The following CRLF3 variants were observed in gnomAD, a reference collection of about 807,000 sequenced individuals.
CRLF3 encodes cytokine receptor like factor 3.
A neutral mutation model predicts 55.0 loss-of-function variants in CRLF3; 33 were observed. The observed-to-expected ratio is 0.60, with a 90% confidence interval of 0.46 to 0.80. CRLF3 has a LOEUF of 0.80. Ranked by LOEUF, CRLF3 falls within the 30% of genes least tolerant of loss-of-function variation. The pLI is 0.00. For missense variants in CRLF3, 494 were observed against 538.4 expected, an observed-to-expected ratio of 0.92 and a Z score of 0.82; for synonymous variants, 238 against 196.8, an observed-to-expected ratio of 1.21 and a Z score of -1.75.
intron 1 of CRLF3, among the ~76,000 whole-genome samples, chr17:30,805,625 A>C (rs1476370704): frequency 6.6e-6 from 1 of 150,454 alleles, no homozygotes; most frequent in Non-Finnish European, 1.5e-5. Context: ...GAGGCAGGAG[A>C]ATCGGTTGAA....
Position 30,783,230 on chromosome 17 carries a change from T to TA in CRLF3, c.*956dup. On this transcript the variant is annotated 3_prime_UTR_variant, in exon 8 of 8. Transcript: ENST00000324238. ...TACTGCCATAACTAGTTTTACCCTG[T>TA]AAAAATACTGTAGCCTATACTGTAT... 6.6e-6 allele frequency: 1 copy of TA among 152,308 alleles called. No homozygotes were observed. The highest frequency in any genetic ancestry group is 2.1e-4 in the South Asian group (1 of 4,824). The allele number at this position is 152,308 out of a possible 1,614,324, so 9.4% of individuals were successfully genotyped here.
chr17:30,795,314 CTACTAAAAATACAAAAA>C (rs1040660844), intron 4 of CRLF3, among the ~76,000 whole-genome samples: 15 of 150,024 alleles, frequency 1.0e-4, no homozygotes, highest in African/African-American at 1.7e-4. Flanking sequence ...AACTCTGTCT[CTACTAAAAATACAAAAA>C]TACTAAAAAT....
At position 30,783,293 on chromosome 17, in the gene CRLF3, A is replaced by ATT. The variant is rs1316176037; in HGVS notation, c.*892_*893dup. 6.6e-6 allele frequency: 1 copy of ATT among 152,210 alleles called. No homozygotes were observed. The highest frequency in any genetic ancestry group is 2.4e-5 in the African/African-American group (1 of 41,450). 9.4% of individuals were successfully genotyped at this position (152,210 alleles called of 1,614,324 possible). On this transcript the variant is annotated 3_prime_UTR_variant, in exon 8 of 8. Coordinates refer to ENST00000324238, the MANE Select transcript of CRLF3 (RefSeq NM_015986.4). ...AAAGAACAAAAGGTACTACTTGCCTATTTTAGACACTTGGTCAAGCATTTA... is the reference window on the plus strand; with the variant it reads ...AAAGAACAAAAGGTACTACTTGCCTATTTTTTAGACACTTGGTCAAGCATTTA...
intron 7 of CRLF3, chr17:30,784,758 A>ATTT: frequency 8.2e-5 from 15 of 182,680 alleles, no homozygotes; most frequent in Non-Finnish European, 1.2e-4. Flanking sequence ...CACCAACACA[A>ATTT]TTTTTTTTTT....
chr17:30,805,409 G>A (rs1904365721), intron 1 of CRLF3, among the ~76,000 whole-genome samples: 1 of 151,972 alleles, frequency 6.6e-6, no homozygotes, highest in South Asian at 2.1e-4. Context: ...CAGCAAAGAA[G>A]TGGTAGATTA....
Position 30,783,811 on chromosome 17 carries a change from T to G in CRLF3, c.*376A>C, listed in dbSNP as rs1971563728. ...ACCTATTCCTCTTGTTCTAAAGAGT[T>G]ACATGGACTTGGATCCTTTAAGATG... On this transcript the variant is annotated 3_prime_UTR_variant, in exon 8 of 8. Coordinates refer to ENST00000324238, the MANE Select transcript of CRLF3 (RefSeq NM_015986.4). 1 of 175,490 alleles carries G rather than the reference T, an allele frequency of 5.7e-6. No individual in the cohort carries two copies. The highest frequency in any genetic ancestry group is 1.2e-5 in the Non-Finnish European group (1 of 82,218). The allele number at this position is 175,490 out of a possible 1,614,324, so 10.9% of individuals were successfully genotyped here.
Position 30,783,922 on chromosome 17 carries a change from T to C in CRLF3, c.*265A>G, listed in dbSNP as rs536333782. 2.5e-5 allele frequency: 9 copies of C among 364,312 alleles called. No homozygotes were observed. The South Asian group carries it at 3.8e-4, about 15-fold the overall frequency. 22.6% of individuals were successfully genotyped at this position (364,312 alleles called of 1,614,324 possible). On this transcript the variant is annotated 3_prime_UTR_variant, in exon 8 of 8. Transcript: ENST00000324238. ...GTGGAAGGGTATAGAACTTCCTATA[T>C]CTTCTATACTTTTAATGCCAATTTG...
intron 1 of CRLF3, among the ~76,000 whole-genome samples, chr17:30,816,206 C>T (rs1220106882): frequency 6.7e-6 from 1 of 149,736 alleles, no homozygotes; most frequent in African/African-American, 2.5e-5. Flanking sequence ...CACTCGAACC[C>T]GGAAAGCAGA....
intron 1 of CRLF3, among the ~76,000 whole-genome samples, chr17:30,806,479 A>G (rs1567665569): frequency 6.6e-6 from 1 of 152,152 alleles, no homozygotes; most frequent in African/African-American, 2.4e-5. Context: ...GAGTGTATGG[A>G]TGGAGTTCTC....
Position 30,824,637 on chromosome 17 carries a change from C to T in CRLF3, c.15G>A (p.Met5Ile). Residue 5 changes from methionine (M) to isoleucine (I), a missense_variant, in exon 1 of 8, where the codon ATG becomes ATA. By Grantham distance (10) the Met-to-Ile change is conservative (BLOSUM62 1). Coordinates refer to ENST00000324238, the MANE Select transcript of CRLF3 (RefSeq NM_015986.4). Reference protein sequence around the residue: MRGAMELEPELLLQE... With the variant: MRGAIELEPELLLQE... The stretch of plus-strand genomic sequence containing the variant: ...GCAACAGCAGCTCAGGCTCCAGCTC[C>T]ATCGCCCCCCTCATCTGGCCGCGCG... 6.3e-7 allele frequency: 1 copy of T among 1,598,622 alleles called. No homozygotes were observed. The highest frequency in any genetic ancestry group is 8.5e-7 in the Non-Finnish European group (1 of 1,176,816).
chr17:30,791,042 C>CTGAG (rs1365586731), intron 6 of CRLF3: 2 of 152,310 alleles, frequency 1.3e-5, no homozygotes, highest in Admixed American at 6.5e-5. Context: ...CCTCAGCCTC[C>CTGAG]TGAGTGGCTG....
intron 4 of CRLF3, among the ~76,000 whole-genome samples, chr17:30,794,804 A>G (rs1444426553): frequency 6.6e-6 from 1 of 152,040 alleles, no homozygotes; most frequent in Non-Finnish European, 1.5e-5. Context: ...AAAAACAAAC[A>G]AATAAATAAA....
At chr17:30,819,348 A>G (rs749977449) in intron 1 of CRLF3, among the ~76,000 whole-genome samples, 3 of 152,198 alleles carry the variant, frequency 2.0e-5, no homozygotes, top group Non-Finnish European at 4.4e-5. Context: ...ATGTACCAAG[A>G]TGAAGTTTTT....
rs373368061 is a variant in CRLF3, at chr17:30,792,506, G to A, written c.893C>T (p.Ser298Phe). 5.0e-6 allele frequency: 8 copies of A among 1,612,880 alleles called. No homozygotes were observed. The highest frequency in any genetic ancestry group is 6.8e-6 in the Non-Finnish European group (8 of 1,179,050). The part of the protein sequence containing the change: ...SRRNIALRND[S>F]ESSGVLYSRA... Reference sequence around the variant, plus strand: ...GGAGTAGAGAACACCCGATGATTCAGAATCGTTCCGAAGTGCTATATTTCT... The same window carrying A: ...GGAGTAGAGAACACCCGATGATTCAAAATCGTTCCGAAGTGCTATATTTCT... The change falls in exon 6 of 8, where the codon TCT becomes TTT. Residue 298 changes from serine (S) to phenylalanine (F), a missense_variant. By Grantham distance (155) the Ser-to-Phe change is radical. Coordinates refer to ENST00000324238, the MANE Select transcript of CRLF3 (RefSeq NM_015986.4).
At chr17:30,799,148 C>T (rs1301540592) in intron 2 of CRLF3, among the ~76,000 whole-genome samples, 2 of 151,862 alleles carry the variant, frequency 1.3e-5, no homozygotes, top group Non-Finnish European at 2.9e-5. Flanking sequence ...TGGCGGGCGC[C>T]TATAATCCCA....
intron 6 of CRLF3, chr17:30,790,537 C>T (rs544436581): frequency 6.7e-6 from 1 of 150,026 alleles, no homozygotes; most frequent in South Asian, 2.1e-4. Context: ...ACAGTGTTGT[C>T]TCTTACAAAG....
At position 30,797,803 on chromosome 17, in the gene CRLF3, C is replaced by T. The variant is rs573087884; in HGVS notation, c.338-405G>A. Among the ~76,000 whole-genome samples the T allele has an allele frequency of 7.5e-3, 1,028 of 137,580 alleles. 7 individuals carry two copies. The highest frequency in any genetic ancestry group is 0.013 in the South Asian group (56 of 4,422). 90.3% of individuals were successfully genotyped at this position (137,580 alleles called of 152,430 possible). On this transcript the variant is annotated intron_variant, in intron 2 of 7. Coordinates refer to ENST00000324238, the MANE Select transcript of CRLF3 (RefSeq NM_015986.4). ...TTTTTTTTTTTTTTTGAGACTGGGT[C>T]TTGTTCTGTCACTCATGCTGGAGCA...
chr17:30,810,946 T>A (rs914422601), intron 1 of CRLF3, among the ~76,000 whole-genome samples: 1 of 150,752 alleles, frequency 6.6e-6, no homozygotes, highest in Non-Finnish European at 1.5e-5. Context: ...AAAAATCAGC[T>A]GTGTGTGGTG....
In CRLF3 at chr17:30,784,268, G is replaced by T. The variant is rs778909575; in HGVS notation, c.1248C>A (p.Asp416Glu). 6.2e-7 allele frequency: 1 copy of T among 1,613,688 alleles called. No individual in the cohort carries two copies. Among genetic ancestry groups the T allele is most frequent in the Non-Finnish European group, 8.5e-7 (1 of 1,179,654 alleles). The part of the protein sequence containing the change: ...ISSNNREVVF[D>E]WLLDQSCGSL... ...AACCACAAGACTGATCAAGTAACCA[G>T]TCAAAAACCACTTCTCTATTATTTG... is the stretch of plus-strand genomic sequence containing the variant. Residue 416 changes from aspartate (D) to glutamate (E), a missense_variant, in exon 8 of 8, where the codon GAC (aspartate) becomes GAA (glutamate). Transcript: ENST00000324238.
Sources: allele counts gnomAD v4.1 joint callset (sites outside exome capture counted in the v4.1 genomes callset), GRCh38; gene constraint gnomAD v4.1.1; transcripts MANE v1.5; gene names NCBI Gene and HGNC (gene_info 2026-07-23, HGNC 2026-07-21).